NCKAP5: variants seen among roughly 807,000 people sequenced by gnomAD.
NCKAP5 encodes NCK associated protein 5, also known as nck-associated protein 5.
A neutral mutation model predicts 167.0 loss-of-function variants in NCKAP5; 92 were observed. The observed-to-expected ratio is 0.55, with a 90% CI of 0.47 to 0.66. The LOEUF is 0.66. Ranked by LOEUF, NCKAP5 falls within the 30% of genes least tolerant of loss-of-function variation. The probability of loss-of-function intolerance (pLI) is 0.00; values close to 1 mark genes in which losing one functional copy is unlikely to be tolerated. For missense variants in NCKAP5, 2,378 were observed against 2,315.0 expected (o/e 1.03, Z -0.56); for synonymous variants, 891 against 877.4 (o/e 1.02, Z -0.27).
At chr2:133,249,117 A>G (rs1232042711) in intron 4 of NCKAP5, among the ~76,000 whole-genome samples, 1 of 151,860 alleles carries the variant, frequency 6.6e-6, no homozygotes, top group Admixed American at 6.6e-5. Context: ...CTCCCACCCA[A>G]TAGGTCTGCA....
chr2:133,188,380 C>A (rs1337142678), intron 5 of NCKAP5, among the ~76,000 whole-genome samples: 1 of 152,008 alleles, frequency 6.6e-6, no homozygotes, highest in Non-Finnish European at 1.5e-5. Flanking sequence ...ATCAACGAGA[C>A]AGAAAGTTAA....
At chr2:132,741,093 T>C (rs1444335727) in intron 16 of NCKAP5, among the ~76,000 whole-genome samples, 1 of 152,052 alleles carries the variant, frequency 6.6e-6, no homozygotes, top group African/African-American at 2.4e-5. Flanking sequence ...GAAGTCTTTC[T>C]TGAATTTATT....
chr2:133,051,484 C>T (rs1026014650), intron 6 of NCKAP5, among the ~76,000 whole-genome samples: 1 of 152,104 alleles, frequency 6.6e-6, no homozygotes, highest in African/African-American at 2.4e-5. Flanking sequence ...TCCCAAGATT[C>T]ACTTGGTCAA....
chr2:132,997,174 G>A (rs1019629198), intron 6 of NCKAP5, among the ~76,000 whole-genome samples: 14 of 152,166 alleles, frequency 9.2e-5, no homozygotes, highest in Non-Finnish European at 1.3e-4. Flanking sequence ...AATATGGCAC[G>A]TAACTACTCA....
chr2:133,054,815 T>C (rs2079738218), intron 6 of NCKAP5, among the ~76,000 whole-genome samples: 1 of 152,190 alleles, frequency 6.6e-6, no homozygotes, highest in African/African-American at 2.4e-5. Flanking sequence ...CCACCGTGGT[T>C]CATTGTTCAG....
At chr2:133,146,232 T>TGCAACATCTAGATAAAATTAAAA (rs1233376614) in intron 5 of NCKAP5, among the ~76,000 whole-genome samples, 8 of 149,610 alleles carry the variant, frequency 5.3e-5, no homozygotes, top group African/African-American at 2.0e-4. Context: ...CTAGATAAAA[T>TGCAACATCTAGATAAAATTAAAA]GCAACATCTA....
chr2:132,867,969 T>C (rs1313565801), intron 10 of NCKAP5, among the ~76,000 whole-genome samples: 1 of 152,160 alleles, frequency 6.6e-6, no homozygotes, highest in Non-Finnish European at 1.5e-5. Flanking sequence ...ACAGAAATAG[T>C]AGGCAAGAAA....
chr2:133,089,516 C>A (rs560161919), intron 6 of NCKAP5, among the ~76,000 whole-genome samples: 1 of 152,152 alleles, frequency 6.6e-6, no homozygotes, highest in Non-Finnish European at 1.5e-5. Flanking sequence ...TCAAATGATG[C>A]CCCTGTTGAG....
intron 3 of NCKAP5, among the ~76,000 whole-genome samples, chr2:133,361,944 A>G (rs933901034): frequency 6.6e-6 from 1 of 152,222 alleles, no homozygotes; most frequent in Non-Finnish European, 1.5e-5. Flanking sequence ...AACTATAAGC[A>G]TAAAGAGTGT....
chr2:133,117,183 G>A (rs188951822), intron 6 of NCKAP5: 37 of 152,314 alleles, frequency 2.4e-4, no homozygotes, highest in Middle Eastern at 3.4e-3. Flanking sequence ...AAAAGGAAGG[G>A]ATGCTTATTT....
intron 3 of NCKAP5, among the ~76,000 whole-genome samples, chr2:133,413,308 A>G: frequency 6.6e-6 from 1 of 152,246 alleles, no homozygotes. Flanking sequence ...GTTAGGACCC[A>G]GAGGCATGGG....
intron 4 of NCKAP5, chr2:133,266,114 G>C (rs1204643420): frequency 6.6e-6 from 1 of 152,450 alleles, no homozygotes; most frequent in Non-Finnish European, 1.5e-5. Context: ...TGGAGAGGAG[G>C]GCGTGTGTGC....
At chr2:133,349,455 T>C (rs1684202472) in intron 3 of NCKAP5, among the ~76,000 whole-genome samples, 1 of 152,248 alleles carries the variant, frequency 6.6e-6, no homozygotes, top group African/African-American at 2.4e-5. Context: ...GTTTGCAGTC[T>C]TCCTTGAATT....
At chr2:133,334,021 GA>G (rs1486424052) in intron 3 of NCKAP5, 2 of 152,256 alleles carry the variant, frequency 1.3e-5, no homozygotes, top group Non-Finnish European at 2.9e-5. Flanking sequence ...AGGGCTATAG[GA>G]GGGACTCAAT....
chr2:133,444,161 C>T (rs573662292), intron 3 of NCKAP5, among the ~76,000 whole-genome samples: 213 of 152,176 alleles, frequency 1.4e-3, no homozygotes, highest in African/African-American at 4.9e-3. Context: ...TGGTATGTCC[C>T]ATTCTTCAGG....
At chr2:132,976,753 A>G (rs1471213528) in intron 7 of NCKAP5, among the ~76,000 whole-genome samples, 1 of 151,768 alleles carries the variant, frequency 6.6e-6, no homozygotes, top group African/African-American at 2.4e-5. Flanking sequence ...CATGTTATAT[A>G]TAATATATAT....
At chr2:132,955,976 A>G (rs1428036710) in intron 8 of NCKAP5, among the ~76,000 whole-genome samples, 2 of 152,164 alleles carry the variant, frequency 1.3e-5, no homozygotes, top group Non-Finnish European at 1.5e-5. Flanking sequence ...AGAGAGTAGA[A>G]TGTTGGTTAC....
chr2:132,793,018 T>C (rs1684195386), intron 12 of NCKAP5, among the ~76,000 whole-genome samples: 2 of 152,156 alleles, frequency 1.3e-5, no homozygotes, highest in Admixed American at 1.3e-4. Flanking sequence ...TTTGTTTTGT[T>C]TTTCAGACGG....
chr2:133,654,247 G>A, the NCKAP5 span, among the ~76,000 whole-genome samples: 4 of 152,064 alleles, frequency 2.6e-5, no homozygotes, highest in East Asian at 7.7e-4. Flanking sequence ...TGGGTGTGAT[G>A]GGCACCTATA....
Sources: gnomAD v4.1 joint callset for allele counts (sites outside exome capture counted in the v4.1 genomes callset) on GRCh38, gnomAD v4.1.1 for gene constraint, MANE v1.5 for transcripts, NCBI Gene and HGNC (gene_info 2026-07-23, HGNC 2026-07-21) for gene names.